Variants in PEX5L observed in about 807,000 individuals in gnomAD.
PEX5L encodes the protein PEX5-related protein.
In PEX5L, 30 loss-of-function variants were observed where a neutral mutation model predicts 84.0. The observed-to-expected ratio is 0.36, with a 90% confidence interval of 0.27 to 0.48. The LOEUF (loss-of-function observed/expected upper bound fraction) is 0.48, where lower values mean the gene tolerates loss of function less well. PEX5L is among the 20% of genes least tolerant of loss of function. The probability of loss-of-function intolerance (pLI) is 0.99; values close to 1 mark genes in which losing one functional copy is unlikely to be tolerated. For synonymous variants in PEX5L, 270 were observed against 283.1 expected (o/e 0.95, Z 0.46); for missense variants, 533 against 754.6 (o/e 0.71, Z 3.44).
At chr3:180,022,991 C>T (rs1336536602) in intron 1 of PEX5L, among the ~76,000 whole-genome samples, 1 of 152,186 alleles carries the variant, frequency 6.6e-6, no homozygotes, top group Non-Finnish European at 1.5e-5. Context: ...TCCAAGGCCA[C>T]CGCAATGTCC....
chr3:179,972,034 T>A (rs562728420), intron 1 of PEX5L, among the ~76,000 whole-genome samples: 1 of 152,258 alleles, frequency 6.6e-6, no homozygotes, highest in East Asian at 1.9e-4. Context: ...TTCATTTAGC[T>A]TTATACTCAA....
At chr3:179,905,176 C>G (rs1762713927) in intron 2 of PEX5L, among the ~76,000 whole-genome samples, 1 of 152,150 alleles carries the variant, frequency 6.6e-6, no homozygotes. Context: ...CATGCTTACT[C>G]TAAATGTAAC....
Position 180,036,824 on chromosome 3 carries a change from G to C in PEX5L, c.-225C>G. ...GGGTGCTGAAAGCGGACGCGGGAGA[G>C]CGCGCAGAGAAGGCGAGGAGCCGGG... On this transcript the variant is annotated 5_prime_UTR_variant, in exon 1 of 15. Transcript: ENST00000467460. 1 of 574,922 alleles carries C rather than the reference G, an allele frequency of 1.7e-6. No homozygotes were observed. The highest frequency in any genetic ancestry group is 2.8e-5 in the East Asian group (1 of 35,148). 35.6% of individuals were successfully genotyped at this position (574,922 alleles called of 1,614,324 possible).
intron 1 of PEX5L, among the ~76,000 whole-genome samples, chr3:180,014,767 T>G (rs1313397345): frequency 6.6e-6 from 1 of 152,052 alleles, no homozygotes; most frequent in Non-Finnish European, 1.5e-5. Flanking sequence ...CCACTAAATT[T>G]TTTCTTTTTT....
rs115852231 is a variant in PEX5L, at chr3:179,858,936, C to T, written c.822+126G>A. 436 of 645,478 alleles carry T rather than the reference C, an allele frequency of 6.8e-4. 1 individual carries two copies. Among genetic ancestry groups the T allele is most frequent in the Non-Finnish European group, 1.0e-3 (357 of 356,526 alleles). 40.0% of individuals were successfully genotyped at this position (645,478 alleles called of 1,614,324 possible). ...CAAATGATTGTCTCATTTTGACAAT[C>T]ATAATCATGGCTATTTCATGTCTAT... is the stretch of plus-strand genomic sequence containing the variant. On this transcript the variant is annotated intron_variant, in intron 8 of 14. Coordinates refer to ENST00000467460, the MANE Select transcript of PEX5L (RefSeq NM_016559.3).
At chr3:179,877,423 T>C (rs1007527017) in intron 5 of PEX5L, among the ~76,000 whole-genome samples, 1 of 152,222 alleles carries the variant, frequency 6.6e-6, no homozygotes, top group African/African-American at 2.4e-5. Context: ...TAAATGTTCA[T>C]CATTTGCATG....
chr3:180,012,584 G>A lies in PEX5L; in HGVS notation c.21+23995C>T, dbSNP rs544527386. Among the ~76,000 whole-genome samples the A allele has an allele frequency of 3.9e-5, 6 of 152,042 alleles. No homozygotes were observed. The South Asian group carries it at 6.2e-4, about 16-fold the overall frequency. On this transcript the variant is annotated intron_variant, in intron 1 of 14. Transcript: ENST00000467460. ...AATTGATGTAAAAATATTGACCCTG[G>A]TCTAGGTACTACAAAAAAGAGTTAA...
Position 179,971,644 on chromosome 3 carries a change from C to A in PEX5L, c.43G>T (p.Gly15Ter), listed in dbSNP as rs991138633. 4 of 1,606,460 alleles carry A rather than the reference C, an allele frequency of 2.5e-6. No homozygotes were observed. The African/African-American group carries it at 4.0e-5, about 16-fold the overall frequency. Residue 15 changes from glycine (G) to a stop codon, truncating the protein, a stop_gained, in exon 2 of 15, where the codon GGA (glycine) becomes TGA (stop). Transcript: ENST00000467460. LOFTEE classifies it high-confidence loss of function. ...AGGTCTTCATCACTGCTTAGTTTTCCATATCCTTGTTCTTTACTTTTCTTG... is the reference window on the plus strand; with the variant it reads ...AGGTCTTCATCACTGCTTAGTTTTCAATATCCTTGTTCTTTACTTTTCTTG... ...HMQKSKEQGY[G>*]KLSSDEDLEI...
At chr3:179,987,570 A>G (rs1786969302) in intron 1 of PEX5L, among the ~76,000 whole-genome samples, 1 of 152,178 alleles carries the variant, frequency 6.6e-6, no homozygotes, top group Admixed American at 6.5e-5. Context: ...TCATGGATAC[A>G]TCAGAACATT....
At chr3:179,891,333 A>G (rs1023090898) in intron 3 of PEX5L, among the ~76,000 whole-genome samples, 4 of 152,140 alleles carry the variant, frequency 2.6e-5, no homozygotes, top group Non-Finnish European at 5.9e-5. Context: ...GTGTTTTTCA[A>G]GCTGCAGCAC....
intron 1 of PEX5L, among the ~76,000 whole-genome samples, chr3:179,975,247 A>G (rs900760453): frequency 5.3e-5 from 8 of 152,194 alleles, no homozygotes; most frequent in Admixed American, 1.3e-4. Context: ...TATGGGATGT[A>G]TCATATAGGA....
chr3:180,012,246 G>T (rs1789553891), intron 1 of PEX5L, among the ~76,000 whole-genome samples: 1 of 148,722 alleles, frequency 6.7e-6, no homozygotes, highest in African/African-American at 2.5e-5. Flanking sequence ...TAATTTATTT[G>T]TAAATCTTAT....
At chr3:179,970,991 T>C (rs1010560267) in intron 2 of PEX5L, among the ~76,000 whole-genome samples, 5 of 152,312 alleles carry the variant, frequency 3.3e-5, no homozygotes, top group Non-Finnish European at 5.9e-5. Flanking sequence ...TCATTGTTTA[T>C]GCTCTATTAA....
chr3:179,905,082 C>A (rs1161629234), intron 2 of PEX5L, among the ~76,000 whole-genome samples: 1 of 152,174 alleles, frequency 6.6e-6, no homozygotes, highest in Non-Finnish European at 1.5e-5. Context: ...CAAACAGCAG[C>A]TTTCATCTTG....
chr3:179,821,008 C>A, intron 8 of PEX5L, among the ~76,000 whole-genome samples: 1 of 152,184 alleles, frequency 6.6e-6, no homozygotes, highest in East Asian at 1.9e-4. Flanking sequence ...CTCACTTGAA[C>A]CCCTGTTCTC....
At chr3:179,915,614 A>C (rs534608056) in intron 2 of PEX5L, among the ~76,000 whole-genome samples, 1 of 152,178 alleles carries the variant, frequency 6.6e-6, no homozygotes, top group African/African-American at 2.4e-5. Flanking sequence ...GGTAGAGAGC[A>C]TTTTCTGACT....
At chr3:179,866,972 G>A (rs922307632) in intron 7 of PEX5L, among the ~76,000 whole-genome samples, 12 of 145,352 alleles carry the variant, frequency 8.3e-5, no homozygotes, top group Non-Finnish European at 1.2e-4. Flanking sequence ...GTTGCCGTGA[G>A]TCGAGATCGC....
At chr3:179,884,152 T>C (rs1018523757) in intron 4 of PEX5L, among the ~76,000 whole-genome samples, 6 of 152,134 alleles carry the variant, frequency 3.9e-5, no homozygotes, top group African/African-American at 1.4e-4. Flanking sequence ...ACACAGCTGG[T>C]GTGGTAGAAA....
intron 2 of PEX5L, among the ~76,000 whole-genome samples, chr3:179,953,501 C>T (rs926403558): frequency 1.3e-5 from 2 of 152,238 alleles, no homozygotes; most frequent in African/African-American, 2.4e-5. Context: ...TGATACCATT[C>T]AAATCTATTG....
Sources: allele counts gnomAD v4.1 joint callset (sites outside exome capture counted in the v4.1 genomes callset), GRCh38; gene constraint gnomAD v4.1.1; transcripts MANE v1.5; gene names NCBI Gene and HGNC (gene_info 2026-07-23, HGNC 2026-07-21).